Variants in KLK13 observed in about 807,000 individuals in gnomAD.
KLK13 encodes the protein kallikrein-13.
Under a neutral mutation model 22.4 loss-of-function variants are expected in KLK13, and 19 were observed. The observed-to-expected ratio is 0.85, with a 90% CI of 0.59 to 1.24. The LOEUF is 1.24. Ranked by LOEUF, KLK13 falls within the 50% of genes most tolerant of loss-of-function variation. The probability of loss-of-function intolerance (pLI) is 0.00; values close to 1 mark genes in which losing one functional copy is unlikely to be tolerated. For synonymous variants in KLK13, 156 were observed against 141.8 expected (o/e 1.10, Z -0.71); for missense variants, 311 against 347.9 (o/e 0.89, Z 0.84).
chr19:51,063,801 T>G (rs1163313458), intron 1 of KLK13: 1 of 462,970 alleles, frequency 2.2e-6, no homozygotes, highest in South Asian at 1.5e-5. Flanking sequence ...TGGGAAGGCC[T>G]CTGGTCGGGA....
At chr19:51,057,352 T>C (rs1349298496) in intron 4 of KLK13, among the ~76,000 whole-genome samples, 12 of 152,252 alleles carry the variant, frequency 7.9e-5, no homozygotes, top group Admixed American at 7.2e-4. Flanking sequence ...AACTTCTTTA[T>C]TGATGAAGGC....
In KLK13 at chr19:51,059,821, A is replaced by C; in HGVS notation, c.508+4T>G. On this transcript the variant is annotated splice_donor_region_variant and intron_variant, in intron 3 of 4. Transcript: ENST00000595793. ...GGCCTCAGGCCACCTGTGTGGGTGC[A>C]TACCCTGGGGGCTGGTGGTGGTGCC... 6.3e-7 allele frequency: 1 copy of C among 1,597,150 alleles called. No individual in the cohort carries two copies. Among genetic ancestry groups the C allele is most frequent in the African/African-American group, 1.3e-5 (1 of 74,554 alleles).
intron 1 of KLK13, chr19:51,063,809 G>A (rs1348224207): frequency 2.2e-5 from 10 of 464,298 alleles, no homozygotes; most frequent in Non-Finnish European, 4.3e-5. Flanking sequence ...CCTCTGGTCG[G>A]GAAGCCGCCA....
chr19:51,065,158 T>C, upstream of KLK13: 1 of 888,192 alleles, frequency 1.1e-6, no homozygotes, highest in Non-Finnish European at 1.7e-6. Flanking sequence ...CCTCCGCGTC[T>C]GAAACCTCTC....
chr19:51,060,316 A>G, intron 2 of KLK13, 117 bp downstream of exon 2: 1 of 1,164,676 alleles, frequency 8.6e-7, no homozygotes, highest in Non-Finnish European at 1.2e-6. Context: ...CCTCATTCTC[A>G]CTCCCATGTC....
intron 1 of KLK13, chr19:51,064,006 C>A (rs2091753858): frequency 1.7e-5 from 6 of 361,668 alleles, no homozygotes; most frequent in South Asian, 1.2e-4. Context: ...TGTTTAATAG[C>A]TGTTTGTTGA....
chr19:51,060,450 G>C lies in KLK13; in HGVS notation c.222C>G (p.Ala74=). Reference sequence around the variant, plus strand: ...CCACATACTCCTTTAGACAGTGTGCGGCAGTGAGGACCCATTTGGGGTGGA... The same window carrying C: ...CCACATACTCCTTTAGACAGTGTGCCGCAGTGAGGACCCATTTGGGGTGGA... ...VLVHPKWVLT[A]AHCLKEGLKV... The change falls in exon 2 of 5, where the codon GCC becomes GCG. Residue 74 remains alanine (A), a synonymous_variant. Coordinates refer to ENST00000595793, the MANE Select transcript of KLK13 (RefSeq NM_015596.3). 1 of 1,611,330 alleles carries C rather than the reference G, an allele frequency of 6.2e-7. No homozygotes were observed. Among genetic ancestry groups the C allele is most frequent in the Non-Finnish European group, 8.5e-7 (1 of 1,178,378 alleles).
intron 1 of KLK13, among the ~76,000 whole-genome samples, chr19:51,062,415 C>A (rs552609398): frequency 1.9e-4 from 29 of 152,194 alleles, no homozygotes; most frequent in Non-Finnish European, 3.4e-4. Flanking sequence ...CTATTCATTT[C>A]TCTTCACATT....
chr19:51,058,717 A>G lies in KLK13; in HGVS notation c.509-43T>C, dbSNP rs371542195. ...AAGGTCTAAGGTATCCGACCTGGAT[A>G]GGATATGGGATGAAGGTGAAATAGG... On this transcript the variant is annotated intron_variant, in intron 3 of 4. Coordinates refer to ENST00000595793, the MANE Select transcript of KLK13 (RefSeq NM_015596.3). 7 of 1,605,436 alleles carry G rather than the reference A, an allele frequency of 4.4e-6. No individual in the cohort carries two copies. In the African/African-American group the frequency reaches 8.0e-5, roughly 18 times the overall value.
At chr19:51,063,751 T>C (rs776767320) in intron 1 of KLK13, 1 of 457,354 alleles carries the variant, frequency 2.2e-6, no homozygotes, top group Non-Finnish European at 4.4e-6. Flanking sequence ...CACCCACAGA[T>C]CCCTCCTTTT....
chr19:51,057,289 A>G lies in KLK13; in HGVS notation c.646-514T>C, dbSNP rs187238102. ...CCAAGGCAGACATCACTAATCGATC[A>G]AGGCACATATCATTAATATAGTATC... On this transcript the variant is annotated intron_variant, in intron 4 of 4. Transcript: ENST00000595793. Among the ~76,000 whole-genome samples, 724 of 152,246 alleles carry G rather than the reference A, an allele frequency of 4.8e-3. 7 individuals carry two copies. Among genetic ancestry groups the G allele is most frequent in the Non-Finnish European group, 5.6e-3 (383 of 68,008 alleles).
At chr19:51,059,637 C>T (rs180793415) in intron 3 of KLK13, 188 bp downstream of exon 3, 4 of 318,006 alleles carry the variant, frequency 1.3e-5, no homozygotes, top group Non-Finnish European at 2.2e-5. Context: ...AATTTATATA[C>T]TCATATTTTT....
In KLK13 at chr19:51,056,340, T is replaced by TGG. The variant is rs1442246521; in HGVS notation, c.*245_*246dup. On this transcript the variant is annotated 3_prime_UTR_variant, in exon 5 of 5. Coordinates refer to ENST00000595793, the MANE Select transcript of KLK13 (RefSeq NM_015596.3). ...GCCACACTGATGAAGTTGAGAGACC[T>TGG]GGGCCATTGTCTGGGTTGGGACATT... 4 of 485,422 alleles carry TGG rather than the reference T, an allele frequency of 8.2e-6. No individual in the cohort carries two copies. The highest frequency in any genetic ancestry group is 1.9e-5 in the African/African-American group (1 of 51,500). The allele number at this position is 485,422 out of a possible 1,614,324, so 30.1% of individuals were successfully genotyped here. A position where few individuals can be genotyped will look rare whatever the true frequency, so the allele number is the denominator to read the frequency against.
chr19:51,063,819 AT>A, intron 1 of KLK13: 1 of 466,368 alleles, frequency 2.1e-6, no homozygotes. Context: ...GGAAGCCGCC[AT>A]TACATCTCTA....
At position 51,064,850 on chromosome 19, in the gene KLK13, G is replaced by C. The variant is rs373852021; in HGVS notation, c.52+166C>G. On this transcript the variant is annotated intron_variant, in intron 1 of 4. Transcript: ENST00000595793. The stretch of plus-strand genomic sequence containing the variant: ...GGGCCAACCTCAGCCGGGAAACCAG[G>C]TCACCCAGGGACAAGCAGGAAGAGC... 54 of 640,350 alleles carry C rather than the reference G, an allele frequency of 8.4e-5. 1 individual carries two copies. In the East Asian group the frequency reaches 1.3e-3, roughly 15 times the overall value. 39.7% of individuals were successfully genotyped at this position (640,350 alleles called of 1,614,324 possible). A position where few individuals can be genotyped will look rare whatever the true frequency, so the allele number is the denominator to read the frequency against.
chr19:51,057,237 C>G (rs916506423), intron 4 of KLK13, among the ~76,000 whole-genome samples: 27 of 152,082 alleles, frequency 1.8e-4, no homozygotes, highest in African/African-American at 6.5e-4. Flanking sequence ...ATGCAACACA[C>G]GTGTAAGTCT....
At chr19:51,060,372 C>G in intron 2 of KLK13, 61 bp downstream of exon 2, 2 of 1,492,726 alleles carry the variant, frequency 1.3e-6, no homozygotes, top group Non-Finnish European at 1.8e-6. Context: ...CCAACTCTAC[C>G]CCATCCACAA....
At position 51,058,554 on chromosome 19, in the gene KLK13, C is replaced by T. The variant is rs2091696314; in HGVS notation, c.629G>A (p.Gly210Asp). ...NMLCAGTKEG[G>D]KDSCEGDSGG... ...CGGCCTCACCTCACAGGAGTCTTTG[C>T]CACCCTCTTTTGTGCCGGCACACAA... Residue 210 changes from glycine to aspartate, a missense_variant, in exon 4 of 5, where the codon GGC becomes GAC. Physicochemically the swap from Gly to Asp is moderately conservative, Grantham distance 94. Transcript: ENST00000595793. 6.2e-7 allele frequency: 1 copy of T among 1,614,046 alleles called. No individual in the cohort carries two copies. The highest frequency in any genetic ancestry group is 1.3e-5 in the African/African-American group (1 of 74,928).
chr19:51,060,393 A>G, intron 2 of KLK13, 40 bp downstream of exon 2: 2 of 1,534,478 alleles, frequency 1.3e-6, no homozygotes, highest in Middle Eastern at 3.7e-4. Context: ...TCCCAGTCCC[A>G]TTCTCATCCC....
Sources: allele counts gnomAD v4.1 joint callset (sites outside exome capture counted in the v4.1 genomes callset), GRCh38; gene constraint gnomAD v4.1.1; transcripts MANE v1.5; gene names NCBI Gene and HGNC (gene_info 2026-07-23, HGNC 2026-07-21).